Variants in SFXN5 observed in about 807,000 individuals in gnomAD.
The protein encoded by SFXN5 is sideroflexin-5.
A neutral mutation model predicts 50.2 loss-of-function variants in SFXN5; 43 were observed. The observed-to-expected ratio is 0.86, with a 90% CI of 0.67 to 1.11. The LOEUF (loss-of-function observed/expected upper bound fraction) is 1.11. SFXN5 is among the 50% of genes least tolerant of loss of function. The pLI is 0.00. For synonymous variants in SFXN5, 203 were observed against 185.8 expected (o/e 1.09, Z -0.75); for missense variants, 463 against 454.1 (o/e 1.02, Z -0.18).
intron 6 of SFXN5, among the ~76,000 whole-genome samples, chr2:73,007,917 G>A (rs189929759): frequency 1.9e-4 from 29 of 152,264 alleles, no homozygotes; most frequent in Non-Finnish European, 3.2e-4. Flanking sequence ...ACCCCAGACC[G>A]GTCAATTCTA....
At chr2:72,971,107 T>C (rs1341403264) in intron 11 of SFXN5, among the ~76,000 whole-genome samples, 1 of 152,204 alleles carries the variant, frequency 6.6e-6, no homozygotes, top group East Asian at 1.9e-4. Flanking sequence ...TCCCTTGACC[T>C]CACGGCACTC....
intron 6 of SFXN5, among the ~76,000 whole-genome samples, chr2:73,004,739 G>C (rs930641876): frequency 6.6e-6 from 1 of 152,144 alleles, no homozygotes; most frequent in Non-Finnish European, 1.5e-5. Flanking sequence ...AGGGAAGCAG[G>C]GATCCTGCCC....
At chr2:73,048,816 G>A (rs61652727) in intron 2 of SFXN5, among the ~76,000 whole-genome samples, 21,513 of 152,014 alleles carry the variant, frequency 0.14, 1,766 homozygotes, top group East Asian at 0.36. Flanking sequence ...ATAAATTTCT[G>A]GAAGTGAGAT....
chr2:73,016,479 TG>T (rs1360498545), intron 6 of SFXN5, among the ~76,000 whole-genome samples: 1 of 151,872 alleles, frequency 6.6e-6, no homozygotes, highest in Non-Finnish European at 1.5e-5. Flanking sequence ...CTGAGGCGAG[TG>T]GATCACTTGA....
chr2:73,040,570 G>A (rs1460384561), intron 3 of SFXN5, among the ~76,000 whole-genome samples: 1 of 152,204 alleles, frequency 6.6e-6, no homozygotes, highest in African/African-American at 2.4e-5. Flanking sequence ...CGTGGAATTG[G>A]GAAGAGATGC....
chr2:72,947,594 G>A (rs570586593), intron 13 of SFXN5, among the ~76,000 whole-genome samples: 3 of 152,322 alleles, frequency 2.0e-5, no homozygotes, highest in South Asian at 4.1e-4. Context: ...CCTGGCCTTC[G>A]GAGAGCTCTG....
In SFXN5 at chr2:72,973,625, G is replaced by A. The variant is rs1169761686; in HGVS notation, c.626-1940C>T. ...AGATCTGGTTAGCAGGGCATGACCA[G>A]GAGGGGATGGGAGCCTGGGTTTGGG... is the stretch of plus-strand genomic sequence containing the variant. On this transcript the variant is annotated intron_variant, in intron 10 of 13. Coordinates refer to ENST00000272433, the MANE Select transcript of SFXN5 (RefSeq NM_144579.3). This position sits in a 1 kb window ranked among gnomAD's most constrained non-coding sequence, Gnocchi z 5.5. 6.6e-6 allele frequency among the ~76,000 whole-genome samples: 1 copy of A among 152,230 alleles called. No homozygotes were observed. Among genetic ancestry groups the A allele is most frequent in the Non-Finnish European group, 1.5e-5 (1 of 68,040 alleles).
At chr2:73,023,085 C>G (rs527972766) in intron 4 of SFXN5, 103 bp downstream of exon 4, 1 of 1,190,092 alleles carries the variant, frequency 8.4e-7, no homozygotes, top group Non-Finnish European at 1.2e-6. Flanking sequence ...TGTGAGAGCC[C>G]GAAGAGCCAC....
chr2:73,050,563 AC>A (rs1681164855), intron 2 of SFXN5, among the ~76,000 whole-genome samples: 4 of 152,184 alleles, frequency 2.6e-5, no homozygotes, highest in Admixed American at 2.6e-4. Flanking sequence ...GTGGGCAGAG[AC>A]AAGGGGCAGT....
At chr2:73,019,956 A>G in intron 6 of SFXN5, 1 of 322,910 alleles carries the variant, frequency 3.1e-6, no homozygotes, top group South Asian at 6.2e-5. Context: ...CCCTATGACT[A>G]GCAGGTGCTA....
In SFXN5 at chr2:72,999,029, C is replaced by A; in HGVS notation, c.469-15G>T. On this transcript the variant is annotated splice_polypyrimidine_tract_variant and intron_variant, in intron 8 of 13. Transcript: ENST00000272433. Reference sequence around the variant, plus strand: ...GCAGGTGAAGGCTGGAAAACAGAGGCAGAATTTCAGGCCTGCTGGGTGCCC... The same window carrying A: ...GCAGGTGAAGGCTGGAAAACAGAGGAAGAATTTCAGGCCTGCTGGGTGCCC... 1.2e-6 allele frequency: 2 copies of A among 1,613,938 alleles called. No homozygotes were observed. Among genetic ancestry groups the A allele is most frequent in the Non-Finnish European group, 1.7e-6 (2 of 1,179,912 alleles).
intron 2 of SFXN5, among the ~76,000 whole-genome samples, chr2:73,047,986 G>A (rs1680734533): frequency 6.6e-6 from 1 of 152,140 alleles, no homozygotes; most frequent in South Asian, 2.1e-4. Flanking sequence ...ACCATGTGAT[G>A]AATTATTATG....
intron 6 of SFXN5, among the ~76,000 whole-genome samples, chr2:73,010,373 C>T (rs1322616282): frequency 6.6e-6 from 1 of 152,154 alleles, no homozygotes; most frequent in African/African-American, 2.4e-5. Flanking sequence ...TCTTTCTCCT[C>T]TCTGGAATGT....
chr2:73,062,481 G>A (rs1161223883), intron 1 of SFXN5, among the ~76,000 whole-genome samples: 1 of 152,188 alleles, frequency 6.6e-6, no homozygotes, highest in Non-Finnish European at 1.5e-5. Context: ...TGGTCCAGCA[G>A]AAACTTCAGC....
At chr2:73,000,359 C>CG in intron 8 of SFXN5, 72 bp downstream of exon 8, 1 of 1,425,662 alleles carries the variant, frequency 7.0e-7, no homozygotes, top group East Asian at 2.6e-5. Context: ...GGTGGCATGT[C>CG]ACGCTGTAGG....
rs117660877 is a variant in SFXN5 at position 73,021,696 on chromosome 2, C to A, written c.331+826G>T. Among the ~76,000 whole-genome samples, 44 of 152,228 alleles carry A rather than the reference C, an allele frequency of 2.9e-4. No homozygotes were observed. The East Asian group carries it at 5.0e-3, about 17-fold the overall frequency. On this transcript the variant is annotated intron_variant, in intron 5 of 13. Transcript: ENST00000272433. ...CTGAGACCGCCTTTCTCCAGCCACC[C>A]GAGGCCTTCCCAAGGCAGCAGCAGC...
intron 3 of SFXN5, among the ~76,000 whole-genome samples, chr2:73,040,191 A>C (rs181471173): frequency 3.9e-5 from 6 of 152,304 alleles, no homozygotes; most frequent in Admixed American, 3.3e-4. Flanking sequence ...ATGTTTGAAA[A>C]AGTTTTTGAA....
At chr2:73,050,374 G>A (rs1463890550) in intron 2 of SFXN5, among the ~76,000 whole-genome samples, 1 of 121,112 alleles carries the variant, frequency 8.3e-6, no homozygotes, top group Non-Finnish European at 1.7e-5. Context: ...TGGAGGTAGC[G>A]CCGCAGCCAC....
intron 13 of SFXN5, among the ~76,000 whole-genome samples, chr2:72,949,191 A>G (rs959528169): frequency 2.0e-5 from 3 of 152,208 alleles, no homozygotes; most frequent in Admixed American, 6.5e-5. Context: ...GGACTTGGAA[A>G]TGTGGCAGGA....
Sources: allele counts gnomAD v4.1 joint callset (sites outside exome capture counted in the v4.1 genomes callset), GRCh38; gene constraint gnomAD v4.1.1; non-coding constraint Gnocchi (gnomAD v3.1); transcripts MANE v1.5; gene names NCBI Gene and HGNC (gene_info 2026-07-23, HGNC 2026-07-21).